The following PGR variants were observed in gnomAD, a reference collection of about 807,000 sequenced individuals.
PGR encodes nuclear receptor subfamily 3 group C member 3.
PGR carries 25 observed loss-of-function variants against 76.1 expected under a neutral mutation model. The ratio of observed to expected loss-of-function variants is 0.33; its 90% CI spans 0.24 to 0.46. PGR has a LOEUF of 0.46. PGR is among the 20% of genes least tolerant of loss of function. PGR has a pLI of 1.00. For missense variants in PGR, 1,172 were observed against 1,225.3 expected, an observed-to-expected ratio of 0.96 and a Z score of 0.65; for synonymous variants, 579 against 535.0, an observed-to-expected ratio of 1.08 and a Z score of -1.14.
rs1204734739 is a variant in PGR at position 101,033,811 on chromosome 11, CTT to C, written c.*5303_*5304del. On this transcript the variant is annotated 3_prime_UTR_variant, in exon 8 of 8. Transcript: ENST00000325455. The stretch of plus-strand genomic sequence containing the variant: ...ACGTCATAGACAAAGAGATCAGAAA[CTT>C]AACATATAACTGACAAGACAAAAAC... 1.4e-5 allele frequency: 3 copies of C among 207,806 alleles called. No individual in the cohort carries two copies. Among genetic ancestry groups the C allele is most frequent in the East Asian group, 1.5e-4 (2 of 13,670 alleles). The allele number at this position is 207,806 out of a possible 1,614,324, so 12.9% of individuals were successfully genotyped here. A position where few individuals can be genotyped will look rare whatever the true frequency, so the allele number is the denominator to read the frequency against.
rs540943297 is a variant in PGR, at chr11:101,046,292, A to ATT, written c.2488+3635_2488+3636dup. On this transcript the variant is annotated intron_variant, in intron 6 of 7. Coordinates refer to ENST00000325455, the MANE Select transcript of PGR (RefSeq NM_000926.4). ...AGGCACTTGCCACTACGCCTGGCTA[A>ATT]TTTTTTTTTTTTTTTTTTTTTTTTT... 5.9e-4 allele frequency among the ~76,000 whole-genome samples: 39 copies of ATT among 66,290 alleles called. 1 individual carries two copies. Among genetic ancestry groups the ATT allele is most frequent in the African/African-American group, 1.0e-3 (14 of 13,338 alleles). The allele number at this position is 66,290 out of a possible 152,430, so 43.5% of individuals were successfully genotyped here.
rs948694962 is a variant in PGR, at chr11:101,129,154, C to T, written c.-84G>A. 8.4e-7 allele frequency: 1 copy of T among 1,192,400 alleles called. No homozygotes were observed. Among genetic ancestry groups the T allele is most frequent in the African/African-American group, 1.7e-5 (1 of 60,366 alleles). 73.9% of individuals were successfully genotyped at this position (1,192,400 alleles called of 1,614,324 possible). ...GGAGGGGGTTTCGGGAATATAGGGG[C>T]AGAGGGAGGAGAAAGTGGGTGTTGA... On this transcript the variant is annotated 5_prime_UTR_variant, in exon 1 of 8. Transcript: ENST00000325455.
At chr11:101,124,778 T>C (rs934247692) in intron 2 of PGR, among the ~76,000 whole-genome samples, 2 of 152,148 alleles carry the variant, frequency 1.3e-5, no homozygotes, top group Admixed American at 1.3e-4. Context: ...CCACTATCAG[T>C]TGCCCTATTT....
In PGR at chr11:101,127,578, G is replaced by A; in HGVS notation, c.1493C>T (p.Thr498Ile). 1 of 1,349,952 alleles carries A rather than the reference G, an allele frequency of 7.4e-7. No homozygotes were observed. Among genetic ancestry groups the A allele is most frequent in the South Asian group, 2.0e-5 (1 of 50,536 alleles). The allele number at this position is 1,349,952 out of a possible 1,614,324, so 83.6% of individuals were successfully genotyped here. A position where few individuals can be genotyped will look rare whatever the true frequency, so the allele number is the denominator to read the frequency against. The change falls in exon 1 of 8, where the codon ACC (threonine) becomes ATC (isoleucine). Residue 498 changes from threonine (T) to isoleucine (I), a missense_variant. By Grantham distance (89) the Thr-to-Ile change is moderately conservative. This residue lies in a region of PGR where 893 missense variants were observed against 785.9 expected (regional missense o/e 1.14). Coordinates refer to ENST00000325455, the MANE Select transcript of PGR (RefSeq NM_000926.4). ...CCCGGCGGCGGCGGCAGAGGCGGAG[G>A]TGGAGGGCAGGCCGTCCCGCGGGAG... ...CLLPRDGLPS[T>I]SASAAAAGAA...
chr11:101,058,013 CACAA>C (rs1565336496), intron 4 of PGR, among the ~76,000 whole-genome samples: 1 of 152,096 alleles, frequency 6.6e-6, no homozygotes, highest in African/African-American at 2.4e-5. Context: ...GAACCCAGAA[CACAA>C]ACAAATTTAT....
At chr11:101,125,485 C>T in intron 2 of PGR, among the ~76,000 whole-genome samples, 1 of 152,136 alleles carries the variant, frequency 6.6e-6, no homozygotes, top group East Asian at 1.9e-4. Flanking sequence ...TTTAGAATTA[C>T]TTCTTTGTAA....
In PGR at chr11:101,127,696, C is replaced by G. The variant is rs767827820; in HGVS notation, c.1375G>C (p.Glu459Gln). The change falls in exon 1 of 8, where the codon GAG (glutamate) becomes CAG (glutamine). Residue 459 changes from glutamate (E) to glutamine (Q), a missense_variant. By Grantham distance (29) the Glu-to-Gln change is conservative (BLOSUM62 2). This residue lies in a region of PGR where 893 missense variants were observed against 785.9 expected (regional missense o/e 1.14). Coordinates refer to ENST00000325455, the MANE Select transcript of PGR (RefSeq NM_000926.4). ...CCCTCCGCTTTGTACAGGATGCACT[C>G]CAGGGTCGACCCCGAGGAGGACGCA... ...SSASSSGSTL[E>Q]CILYKAEGAP... The G allele has an allele frequency of 6.3e-7, 1 of 1,582,380 alleles. No individual in the cohort carries two copies. Among genetic ancestry groups the G allele is most frequent in the Non-Finnish European group, 8.5e-7 (1 of 1,173,318 alleles).
intron 3 of PGR, among the ~76,000 whole-genome samples, chr11:101,076,306 G>T (rs1453173536): frequency 1.3e-5 from 2 of 150,736 alleles, no homozygotes; most frequent in Admixed American, 6.6e-5. Context: ...TCACACACAG[G>T]GATCTGTCGG....
chr11:101,042,135 G>A (rs763189254), intron 6 of PGR, 33 bp from the exon 7 acceptor site: 8 of 1,606,600 alleles, frequency 5.0e-6, no homozygotes, highest in South Asian at 4.4e-5. Flanking sequence ...TGGCAGTTGT[G>A]TATAAAAAGA....
intron 2 of PGR, among the ~76,000 whole-genome samples, chr11:101,104,862 GT>G (rs1392306264): frequency 1.3e-5 from 2 of 151,856 alleles, no homozygotes; most frequent in Non-Finnish European, 2.9e-5. Flanking sequence ...GATATTAAAT[GT>G]TACTGGTGTT....
chr11:101,101,788 T>A (rs1862004463), intron 2 of PGR, among the ~76,000 whole-genome samples: 1 of 152,216 alleles, frequency 6.6e-6, no homozygotes, highest in South Asian at 2.1e-4. Flanking sequence ...AAAATTAGTA[T>A]CTAATGGGTT....
At chr11:101,046,150 T>C (rs59355784) in intron 6 of PGR, among the ~76,000 whole-genome samples, 1,723 of 151,278 alleles carry the variant, frequency 0.011, 42 homozygotes, top group African/African-American at 0.039. Context: ...TTTTGAGACA[T>C]GGTCTCACTC....
intron 2 of PGR, among the ~76,000 whole-genome samples, chr11:101,108,329 C>T (rs1862242118): frequency 6.6e-6 from 1 of 151,122 alleles, no homozygotes; most frequent in African/African-American, 2.4e-5. Flanking sequence ...TGCTTGAGGC[C>T]AGGAGTTCCA....
chr11:101,124,948 T>C (rs1455429363), intron 2 of PGR, among the ~76,000 whole-genome samples: 2 of 152,222 alleles, frequency 1.3e-5, no homozygotes, highest in East Asian at 3.9e-4. Context: ...AAGAACTCCT[T>C]TGAAAGCTCC....
At chr11:101,098,668 A>G (rs1423591804) in intron 2 of PGR, among the ~76,000 whole-genome samples, 2 of 152,258 alleles carry the variant, frequency 1.3e-5, no homozygotes, top group African/African-American at 2.4e-5. Context: ...GTGATCCAAA[A>G]AAGTTTCAGA....
chr11:101,107,126 G>A (rs956232396), intron 2 of PGR, among the ~76,000 whole-genome samples: 4 of 152,038 alleles, frequency 2.6e-5, no homozygotes, highest in African/African-American at 4.8e-5. Flanking sequence ...ACGGGTTGAC[G>A]GGTGCAGCAA....
At position 101,038,664 on chromosome 11, in the gene PGR, C is replaced by A. The variant is rs1287458508; in HGVS notation, c.*452G>T. 1.3e-5 allele frequency: 3 copies of A among 231,426 alleles called. No individual in the cohort carries two copies. The highest frequency in any genetic ancestry group is 1.2e-4 in the East Asian group (2 of 16,138). 14.3% of individuals were successfully genotyped at this position (231,426 alleles called of 1,614,324 possible). On this transcript the variant is annotated 3_prime_UTR_variant, in exon 8 of 8. Coordinates refer to ENST00000325455, the MANE Select transcript of PGR (RefSeq NM_000926.4). ...TCCTCCTCACACAAATATATATAGA[C>A]AAAATTTTGCATACCATTTTAAAGG...
At chr11:101,047,801 A>T (rs1375005987) in intron 6 of PGR, among the ~76,000 whole-genome samples, 5 of 152,038 alleles carry the variant, frequency 3.3e-5, no homozygotes, top group Admixed American at 6.6e-5. Context: ...TCTTTTTTTT[A>T]AAACTTTGCC....
At chr11:101,072,084 C>T (rs140744829) in intron 3 of PGR, among the ~76,000 whole-genome samples, 1 of 147,356 alleles carries the variant, frequency 6.8e-6, no homozygotes, top group African/African-American at 2.5e-5. Flanking sequence ...AAGAGAAAGT[C>T]GGGTTACCCA....
Sources: allele counts gnomAD v4.1 joint callset (sites outside exome capture counted in the v4.1 genomes callset), GRCh38; gene constraint gnomAD v4.1.1; regional missense constraint gnomAD v4.1.1; transcripts MANE v1.5; gene names NCBI Gene and HGNC (gene_info 2026-07-23, HGNC 2026-07-21).